CACNA2D3: variants seen among roughly 807,000 people sequenced by gnomAD.
CACNA2D3 encodes voltage-dependent calcium channel subunit alpha-2/delta-3.
CACNA2D3 carries 60 observed loss-of-function variants against 160.6 expected under a neutral mutation model. The observed-to-expected ratio is 0.37, with a 90% CI of 0.30 to 0.46. CACNA2D3 has a LOEUF of 0.46. Ranked by LOEUF, CACNA2D3 falls within the 20% of genes least tolerant of loss-of-function variation. The pLI is 1.00. For synonymous variants in CACNA2D3, 558 were observed against 492.9 expected (o/e 1.13, Z -1.75); for missense variants, 1,205 against 1,365.0 (o/e 0.88, Z 1.85).
intron 4 of CACNA2D3, among the ~76,000 whole-genome samples, chr3:54,429,942 T>C (rs903649963): frequency 1.1e-4 from 16 of 152,232 alleles, no homozygotes; most frequent in African/African-American, 3.9e-4. Context: ...GAAAAGGCTC[T>C]AATTCCCTGA....
intron 9 of CACNA2D3, among the ~76,000 whole-genome samples, chr3:54,627,188 G>A (rs1699139937): frequency 6.6e-6 from 1 of 152,206 alleles, no homozygotes; most frequent in African/African-American, 2.4e-5. Flanking sequence ...CTTAAGAAAT[G>A]TCACAGTCTT....
At chr3:54,941,863 A>G (rs1701476276) in intron 27 of CACNA2D3, among the ~76,000 whole-genome samples, 1 of 152,164 alleles carries the variant, frequency 6.6e-6, no homozygotes, top group Non-Finnish European at 1.5e-5. Context: ...ACAGTTCTGC[A>G]GCTCTGTTTG....
intron 27 of CACNA2D3, among the ~76,000 whole-genome samples, chr3:54,902,107 G>A (rs901381040): frequency 1.3e-5 from 2 of 152,170 alleles, no homozygotes; most frequent in African/African-American, 2.4e-5. Flanking sequence ...GGAGACAGCC[G>A]ACTGGCAGGA....
At chr3:54,843,184 A>T (rs1482880423) in intron 16 of CACNA2D3, among the ~76,000 whole-genome samples, 3 of 151,774 alleles carry the variant, frequency 2.0e-5, no homozygotes, top group African/African-American at 2.4e-5. Flanking sequence ...CTGGTCTCGA[A>T]CTCCTGACCT....
chr3:54,418,978 G>A (rs1699798153), intron 4 of CACNA2D3, among the ~76,000 whole-genome samples: 1 of 152,220 alleles, frequency 6.6e-6, no homozygotes, highest in African/African-American at 2.4e-5. Flanking sequence ...TGTCAGCAGA[G>A]CTTAAGCACA....
rs746567798 is a variant in CACNA2D3, at chr3:54,925,040, C to G, written c.2449+25172C>G. ...ATGCAAAAGCAGGAAGATGGTGTAT[C>G]TGATTATCTTGTAAATGCAGCGTTC... On this transcript the variant is annotated intron_variant, in intron 27 of 37. Coordinates refer to ENST00000474759, the MANE Select transcript of CACNA2D3 (RefSeq NM_018398.3). 51 of 1,613,992 alleles carry G rather than the reference C, an allele frequency of 3.2e-5. No individual in the cohort carries two copies. The Admixed American group carries it at 8.5e-4, about 27-fold the overall frequency.
At chr3:54,789,454 C>T (rs1188059274) in intron 13 of CACNA2D3, among the ~76,000 whole-genome samples, 1 of 152,200 alleles carries the variant, frequency 6.6e-6, no homozygotes, top group African/African-American at 2.4e-5. Context: ...ATTCCTGACA[C>T]CGTAAAGGTA....
chr3:54,906,181 A>G (rs1700444456), intron 27 of CACNA2D3, among the ~76,000 whole-genome samples: 2 of 152,038 alleles, frequency 1.3e-5, no homozygotes, highest in African/African-American at 4.8e-5. Flanking sequence ...GATACACACA[A>G]GTATTGCAGG....
intron 4 of CACNA2D3, among the ~76,000 whole-genome samples, chr3:54,497,407 C>T (rs1701219031): frequency 6.6e-6 from 1 of 151,942 alleles, no homozygotes; most frequent in Admixed American, 6.6e-5. Context: ...TTTTCCAGTT[C>T]AATTTCCAAC....
chr3:54,418,347 C>T (rs1426042531), intron 4 of CACNA2D3, among the ~76,000 whole-genome samples: 1 of 152,020 alleles, frequency 6.6e-6, no homozygotes, highest in Non-Finnish European at 1.5e-5. Flanking sequence ...ATTTTAAAGC[C>T]TTTTGTCTTG....
chr3:54,193,148 T>C (rs1304940263), intron 2 of CACNA2D3, among the ~76,000 whole-genome samples: 1 of 152,176 alleles, frequency 6.6e-6, no homozygotes, highest in African/African-American at 2.4e-5. Flanking sequence ...GGCATGAAGC[T>C]CTCATGGTGA....
chr3:54,685,231 A>G (rs559963226), intron 11 of CACNA2D3, among the ~76,000 whole-genome samples: 2 of 152,160 alleles, frequency 1.3e-5, no homozygotes, highest in Admixed American at 6.5e-5. Flanking sequence ...AAAAAGAAAA[A>G]CCGTTCAATT....
intron 2 of CACNA2D3, among the ~76,000 whole-genome samples, chr3:54,282,981 G>T (rs1702916997): frequency 6.6e-6 from 1 of 152,082 alleles, no homozygotes. Context: ...TGAGAAATAG[G>T]TCTTTATTCT....
chr3:54,755,606 T>G (rs1701955228), intron 12 of CACNA2D3, among the ~76,000 whole-genome samples: 1 of 152,108 alleles, frequency 6.6e-6, no homozygotes, highest in African/African-American at 2.4e-5. Context: ...GAGTTACACA[T>G]TTGGCCTCAT....
intron 31 of CACNA2D3, among the ~76,000 whole-genome samples, chr3:54,999,521 T>C (rs1397854594): frequency 6.6e-6 from 1 of 152,236 alleles, no homozygotes; most frequent in Admixed American, 6.5e-5. Flanking sequence ...TAGGTCTCTA[T>C]GTCTAATGCC....
chr3:54,556,429 G>A (rs1702243364), intron 5 of CACNA2D3, among the ~76,000 whole-genome samples: 1 of 152,098 alleles, frequency 6.6e-6, no homozygotes, highest in Non-Finnish European at 1.5e-5. Flanking sequence ...TTAAGAGACG[G>A]GCATGGAACA....
chr3:54,125,889 T>C (rs181081080), intron 2 of CACNA2D3, among the ~76,000 whole-genome samples: 1 of 152,330 alleles, frequency 6.6e-6, no homozygotes, highest in East Asian at 1.9e-4. Context: ...GAGGAATTAC[T>C]CCTCTAAGTC....
intron 27 of CACNA2D3, among the ~76,000 whole-genome samples, chr3:54,954,491 G>A (rs1216034501): frequency 2.0e-5 from 3 of 152,226 alleles, no homozygotes; most frequent in African/African-American, 4.8e-5. Context: ...GCAGATGCCT[G>A]CCCAGACATC....
intron 3 of CACNA2D3, among the ~76,000 whole-genome samples, chr3:54,361,498 A>G (rs1397307261): frequency 1.3e-5 from 2 of 152,206 alleles, no homozygotes; most frequent in Non-Finnish European, 2.9e-5. Context: ...AGAAAATACC[A>G]TTTACTTTGT....
Sources: allele counts gnomAD v4.1 joint callset (sites outside exome capture counted in the v4.1 genomes callset), GRCh38; gene constraint gnomAD v4.1.1; transcripts MANE v1.5; gene names NCBI Gene and HGNC (gene_info 2026-07-23, HGNC 2026-07-21).